Variants in PPP1R13L observed in about 807,000 individuals in gnomAD.
PPP1R13L encodes relA-associated inhibitor.
A neutral mutation model predicts 80.9 loss-of-function variants in PPP1R13L; 50 were observed. That is an observed-to-expected ratio of 0.62 (90% CI 0.49 to 0.78). PPP1R13L has a LOEUF of 0.78. Among genes scored for constraint, PPP1R13L ranks in the 30% least tolerant of loss-of-function variants. The pLI is 0.00. For synonymous variants in PPP1R13L, 602 were observed against 534.3 expected (o/e 1.13, Z -1.75); for missense variants, 1,200 against 1,205.9 (o/e 1.00, Z 0.07).
upstream of PPP1R13L, among the ~76,000 whole-genome samples, chr19:45,405,569 G>T (rs1973324223): frequency 6.6e-6 from 1 of 152,244 alleles, no homozygotes; most frequent in Non-Finnish European, 1.5e-5. Context: ...CCTGGAGCCC[G>T]CAGGGGCTGC....
intron 9 of PPP1R13L, 33 bp downstream of exon 9, chr19:45,386,016 C>T: frequency 1.3e-6 from 2 of 1,581,078 alleles, no homozygotes; most frequent in South Asian, 1.1e-5. Flanking sequence ...GCGATGCCCC[C>T]GCCGTGCCCA....
intron 12 of PPP1R13L, among the ~76,000 whole-genome samples, chr19:45,381,551 T>C (rs1972762375): frequency 6.6e-6 from 1 of 152,096 alleles, no homozygotes; most frequent in African/African-American, 2.4e-5. Context: ...CCAGGGATGA[T>C]AATAAAAACA....
At chr19:45,383,236 C>T (rs61177445) in intron 11 of PPP1R13L, among the ~76,000 whole-genome samples, 30,598 of 148,748 alleles carry the variant, frequency 0.21, 3,671 homozygotes, top group East Asian at 0.43. Flanking sequence ...CCTTGTGATC[C>T]GCCCACATTG....
intron 12 of PPP1R13L, among the ~76,000 whole-genome samples, chr19:45,380,595 A>G (rs140445065): frequency 3.9e-5 from 6 of 152,260 alleles, no homozygotes; most frequent in African/African-American, 1.4e-4. Flanking sequence ...AGGTGGGTGG[A>G]TGACCTGAGC....
chr19:45,396,554 G>T lies in PPP1R13L; in HGVS notation c.703C>A (p.Arg235Ser). 1 of 1,541,232 alleles carries T rather than the reference G, an allele frequency of 6.5e-7. No individual in the cohort carries two copies. The highest frequency in any genetic ancestry group is 8.7e-7 in the Non-Finnish European group (1 of 1,151,186). Residue 235 changes from arginine to serine, a missense_variant, in exon 4 of 13, where the codon CGC (arginine) becomes AGC (serine). Around this residue, in one of 5 missense-constraint regions of PPP1R13L, gnomAD observed 764 missense variants for 714.5 expected, o/e 1.07. Transcript: ENST00000360957. The surrounding 1 kb of genome is among the most constrained non-coding windows in gnomAD (Gnocchi z 5.3). The stretch of plus-strand genomic sequence containing the variant: ...GGGCCCCTGGGTTCACCTTGCGCGC[G>T]CAGAGGCGGGGCGAATGCGCTGCCG... ...SGGSAFAPPL[R>S]AQDDLTLRRR...
intron 1 of PPP1R13L, among the ~76,000 whole-genome samples, chr19:45,398,962 G>A (rs537319752): frequency 6.6e-5 from 10 of 151,804 alleles, no homozygotes; most frequent in African/African-American, 2.2e-4. Flanking sequence ...GTTTGTTTTT[G>A]AGATGGTGTC....
At chr19:45,384,398 T>TGG (rs1310625715) in intron 11 of PPP1R13L, among the ~76,000 whole-genome samples, 3 of 133,300 alleles carry the variant, frequency 2.3e-5, no homozygotes, top group Non-Finnish European at 3.2e-5. Context: ...TAGCGGGCCG[T>TGG]GGGGCCCTTG....
At position 45,398,303 on chromosome 19, in the gene PPP1R13L, A is replaced by C; in HGVS notation, c.16T>G (p.Phe6Val). The change falls in exon 2 of 13, where the codon TTC becomes GTC. Residue 6 changes from phenylalanine to valine, a missense_variant. Phe to Val is a conservative substitution (Grantham distance 50). Transcript: ENST00000360957. ...TCCAGAAAGTCCCGCGCGCTCTGGAATGCCTCGCTGTCCATGGTGCCGGCC... is the reference window on the plus strand; with the variant it reads ...TCCAGAAAGTCCCGCGCGCTCTGGACTGCCTCGCTGTCCATGGTGCCGGCC... MDSEA[F>V]QSARDFLDMN... 6.2e-7 allele frequency: 1 copy of C among 1,613,850 alleles called. No homozygotes were observed. Among genetic ancestry groups the C allele is most frequent in the Non-Finnish European group, 8.5e-7 (1 of 1,179,932 alleles).
chr19:45,383,293 CTTTTTTT>C (rs1164667426), intron 11 of PPP1R13L, among the ~76,000 whole-genome samples: 7 of 62,840 alleles, frequency 1.1e-4, no homozygotes, highest in East Asian at 5.7e-4. Context: ...CGCGCCCGGC[CTTTTTTT>C]TTTTTTTTTT....
At position 45,385,558 on chromosome 19, in the gene PPP1R13L, G is replaced by A. The variant is rs778994126; in HGVS notation, c.2248+4C>T. On this transcript the variant is annotated splice_donor_region_variant and intron_variant, in intron 11 of 12. Coordinates refer to ENST00000360957, the MANE Select transcript of PPP1R13L (RefSeq NM_006663.4). ...ACCCAGGCGCCAGCAGCCCTGCCTC[G>A]CACCTGCCAGGTAGGTGGCGCAGTC... The A allele has an allele frequency of 5.0e-6, 8 of 1,608,454 alleles. No individual in the cohort carries two copies. The highest frequency in any genetic ancestry group is 4.5e-5 in the East Asian group (2 of 44,792).
At chr19:45,387,712 G>A (rs544958842) in intron 8 of PPP1R13L, among the ~76,000 whole-genome samples, 355 of 152,130 alleles carry the variant, frequency 2.3e-3, no homozygotes, top group Non-Finnish European at 3.8e-3. Flanking sequence ...CCGCCACCAC[G>A]CCTGGCTATT....
intron 11 of PPP1R13L, among the ~76,000 whole-genome samples, chr19:45,385,081 C>T (rs895388360): frequency 2.0e-5 from 3 of 152,056 alleles, no homozygotes; most frequent in African/African-American, 7.2e-5. Context: ...CTTCGCCCTG[C>T]CCGTCGGGGA....
intron 8 of PPP1R13L, among the ~76,000 whole-genome samples, chr19:45,389,839 A>G (rs1972935177): frequency 6.6e-6 from 1 of 151,996 alleles, no homozygotes; most frequent in South Asian, 2.1e-4. Context: ...TCTGTCACCC[A>G]GGCTGGAGTG....
rs1336003233 is a variant in PPP1R13L at position 45,382,635 on chromosome 19, G to C, written c.2340C>G (p.Arg780=). Residue 780 remains arginine (R), a synonymous_variant, in exon 12 of 13, where the codon CGC becomes CGG. Coordinates refer to ENST00000360957, the MANE Select transcript of PPP1R13L (RefSeq NM_006663.4). The part of the protein sequence containing the change: ...SAEFGDELSF[R]EGESVTVLRR... ...GCAGCACGGTGACCGACTCGCCCTC[G>C]CGGAAGGACAGCTCGTCCCCGAACT... 1 of 1,613,704 alleles carries C rather than the reference G, an allele frequency of 6.2e-7. No homozygotes were observed. Among genetic ancestry groups the C allele is most frequent in the Non-Finnish European group, 8.5e-7 (1 of 1,180,046 alleles).
At chr19:45,387,468 G>A (rs747093159) in intron 8 of PPP1R13L, among the ~76,000 whole-genome samples, 2 of 152,322 alleles carry the variant, frequency 1.3e-5, no homozygotes, top group South Asian at 4.1e-4. Context: ...GCTAGGCTGT[G>A]CTATTTCAAA....
At chr19:45,392,572 G>A in intron 7 of PPP1R13L, 1 of 635,858 alleles carries the variant, frequency 1.6e-6, no homozygotes, top group Non-Finnish European at 2.9e-6. Flanking sequence ...CTACCTTATT[G>A]TAATCTCACC....
At position 45,397,021 on chromosome 19, in the gene PPP1R13L, A is replaced by AAGGGCTC; in HGVS notation, c.229_235dup (p.Phe79Ter). On this transcript the variant is annotated stop_gained and frameshift_variant, in exon 4 of 13. Coordinates refer to ENST00000360957, the MANE Select transcript of PPP1R13L (RefSeq NM_006663.4). LOFTEE classifies it high-confidence loss of function. ...CTTCCGGGGGGACCCTCGGCTGCCG[A>AAGGGCTC]AGGGCTCAGGGATCGAGCTGGAGCT... 7.3e-7 allele frequency: 1 copy of AAGGGCTC among 1,368,374 alleles called. No individual in the cohort carries two copies. The highest frequency in any genetic ancestry group is 9.4e-7 in the Non-Finnish European group (1 of 1,063,074). 84.8% of individuals were successfully genotyped at this position (1,368,374 alleles called of 1,614,324 possible).
In PPP1R13L at chr19:45,380,103, T is replaced by C; in HGVS notation, c.*87A>G. 1 of 1,484,034 alleles carries C rather than the reference T, an allele frequency of 6.7e-7. No individual in the cohort carries two copies. The highest frequency in any genetic ancestry group is 2.3e-5 in the East Asian group (1 of 43,966). 91.9% of individuals were successfully genotyped at this position (1,484,034 alleles called of 1,614,324 possible). A position where few individuals can be genotyped will look rare whatever the true frequency, so the allele number is the denominator to read the frequency against. Reference sequence around the variant, plus strand: ...CCACCAGCAGGGTGAGGGGTGCAGATAAAGGCAGCAAAAAACAGAGGGAGA... The same window carrying C: ...CCACCAGCAGGGTGAGGGGTGCAGACAAAGGCAGCAAAAAACAGAGGGAGA... On this transcript the variant is annotated 3_prime_UTR_variant, in exon 13 of 13. Transcript: ENST00000360957.
At position 45,380,119 on chromosome 19, in the gene PPP1R13L, C is replaced by T; in HGVS notation, c.*71G>A. The T allele has an allele frequency of 6.4e-7, 1 of 1,564,250 alleles. No homozygotes were observed. The highest frequency in any genetic ancestry group is 8.8e-7 in the Non-Finnish European group (1 of 1,136,952). On this transcript the variant is annotated 3_prime_UTR_variant, in exon 13 of 13. Transcript: ENST00000360957. ...GGGTGCAGATAAAGGCAGCAAAAAA[C>T]AGAGGGAGAGGTCTGGAGGGAAGGC...
Sources: gnomAD v4.1 joint callset for allele counts (sites outside exome capture counted in the v4.1 genomes callset) on GRCh38, gnomAD v4.1.1 for gene constraint, gnomAD v4.1.1 regional missense constraint, Gnocchi (gnomAD v3.1) non-coding constraint, MANE v1.5 for transcripts, NCBI Gene and HGNC (gene_info 2026-07-23, HGNC 2026-07-21) for gene names.